ARSD: variants seen among roughly 807,000 people sequenced by gnomAD.
ARSD encodes testis tissue sperm-binding protein Li 39a.
ARSD carries 21 observed loss-of-function variants against 32.6 expected under a neutral mutation model. The ratio of observed to expected loss-of-function variants is 0.64; its 90% CI spans 0.46 to 0.93. The LOEUF is 0.93. Ranked by LOEUF, ARSD falls within the 40% of genes least tolerant of loss-of-function variation. The pLI is 0.00. For synonymous variants in ARSD, 224 were observed against 237.4 expected (o/e 0.94, Z 0.52); for missense variants, 454 against 520.9 (o/e 0.87, Z 1.25).
intron 5 of ARSD, among the ~76,000 whole-genome samples, chrX:2,916,676 A>C (rs2088963933): frequency 1.8e-5 from 2 of 111,038 alleles, no homozygotes; most frequent in Admixed American, 9.7e-5. Context: ...AGAGCTAAAA[A>C]AAAATCGATC....
At chrX:2,918,253 G>C in intron 4 of ARSD, 26 bp from the exon 5 acceptor site, 1 of 1,125,109 alleles carries the variant, frequency 8.9e-7, no homozygotes, top group Middle Eastern at 3.0e-4. Flanking sequence ...ATGTTCAACA[G>C]AGACCCGCTT....
intron 5 of ARSD, among the ~76,000 whole-genome samples, chrX:2,917,389 G>A (rs1227804281): frequency 4.5e-5 from 5 of 111,468 alleles, no homozygotes; most frequent in African/African-American, 9.8e-5. Flanking sequence ...CGTCTCCTCC[G>A]AGGGTTGGTG....
chrX:2,908,128 C>T (rs2088867976), intron 9 of ARSD: 1 of 205,183 alleles, frequency 4.9e-6, no homozygotes, highest in Non-Finnish European at 7.3e-6. Flanking sequence ...ATTTATCTAT[C>T]GATCATCTAT....
rs2088890116 is a variant in ARSD at position 2,910,081 on chromosome X, CG to C, written c.1136-103del. On this transcript the variant is annotated intron_variant, in intron 7 of 9. Coordinates refer to ENST00000381154, the MANE Select transcript of ARSD (RefSeq NM_001669.4). ...AGGTATGTGAATACGCACAGCCACC[CG>C]GATGCACACATGCACACTGGGGCAG... 9 of 1,050,831 alleles carry C rather than the reference CG, an allele frequency of 8.6e-6. 1 individual carries two copies. In the South Asian group the frequency reaches 2.1e-4, roughly 25 times the overall value. The allele number at this position is 1,050,831 out of a possible 1,213,427, so 86.6% of individuals were successfully genotyped here.
intron 2 of ARSD, among the ~76,000 whole-genome samples, chrX:2,925,388 C>T (rs55996807): frequency 0.09 from 10,108 of 112,182 alleles, 1,012 homozygotes; most frequent in African/African-American, 0.29. Context: ...GGTCTCCAGA[C>T]CTGGGAGAAC....
chrX:2,929,193 T>G, intron 1 of ARSD, 39 bp downstream of exon 1: 5 of 1,024,824 alleles, frequency 4.9e-6, no homozygotes, highest in Non-Finnish European at 6.2e-6. Context: ...GCCCCCACCC[T>G]AGGCCTTAGT....
chrX:2,912,675 C>T (rs1000682894), intron 6 of ARSD, among the ~76,000 whole-genome samples: 6 of 111,256 alleles, frequency 5.4e-5, no homozygotes, highest in Non-Finnish European at 9.4e-5. Flanking sequence ...AAACATAGTG[C>T]CGTGTGTGTG....
intron 6 of ARSD, among the ~76,000 whole-genome samples, chrX:2,915,240 T>A: frequency 9.0e-6 from 1 of 111,247 alleles, no homozygotes; most frequent in Non-Finnish European, 1.9e-5. Flanking sequence ...CTGCAACCTC[T>A]GCCTCCCGTG....
At chrX:2,923,855 G>A (rs1666280060) in intron 2 of ARSD, among the ~76,000 whole-genome samples, 1 of 112,363 alleles carries the variant, frequency 8.9e-6, no homozygotes, top group Admixed American at 9.5e-5. Context: ...GGGATGCAGA[G>A]TTTCTTTGGG....
chrX:2,922,127 G>A (rs1210356082), intron 2 of ARSD, 103 bp from the exon 3 acceptor site: 1 of 1,008,204 alleles, frequency 9.9e-7, no homozygotes, highest in Non-Finnish European at 1.3e-6. Flanking sequence ...GGACTTCACC[G>A]GATTTCAGAA....
chrX:2,926,863 T>G (rs938621549), intron 1 of ARSD, among the ~76,000 whole-genome samples: 3 of 111,134 alleles, frequency 2.7e-5, no homozygotes, highest in African/African-American at 9.8e-5. Context: ...GATGGTGGCT[T>G]ACAGCAACCT....
chrX:2,913,790 A>G (rs1203446171), intron 6 of ARSD: 1 of 879,273 alleles, frequency 1.1e-6, no homozygotes, highest in African/African-American at 2.1e-5. Context: ...TGTCATCCTC[A>G]GAATCGGCGG....
intron 6 of ARSD, among the ~76,000 whole-genome samples, chrX:2,915,248 G>A (rs1431295354): frequency 9.0e-6 from 1 of 111,020 alleles, no homozygotes. Context: ...TCTGCCTCCC[G>A]TGTTAAAGCG....
At chrX:2,913,196 G>A (rs750525246) in intron 6 of ARSD, among the ~76,000 whole-genome samples, 1 of 112,337 alleles carries the variant, frequency 8.9e-6, no homozygotes, top group South Asian at 3.7e-4. Flanking sequence ...ATTGGTAACT[G>A]ATTGAAAGAG....
At chrX:2,922,369 A>G (rs887604358) in intron 2 of ARSD, among the ~76,000 whole-genome samples, 4 of 110,653 alleles carry the variant, frequency 3.6e-5, no homozygotes, top group African/African-American at 9.9e-5. Context: ...TATGTTTTCA[A>G]TTGTGGTGAG....
chrX:2,929,333 C>T lies in ARSD; in HGVS notation c.-58G>A. On this transcript the variant is annotated 5_prime_UTR_variant, in exon 1 of 10. Transcript: ENST00000381154. ...CCCTGCGCACTCCGCGCCCGGGCGC[C>T]GCTAGTGCCAAGGCTTCCGCCCTCT... The T allele has an allele frequency of 2.2e-6, 2 of 894,224 alleles. No individual in the cohort carries two copies. Among genetic ancestry groups the T allele is most frequent in the Non-Finnish European group, 2.8e-6 (2 of 715,150 alleles). 73.7% of individuals were successfully genotyped at this position (894,224 alleles called of 1,213,427 possible).
At position 2,916,681 on chromosome X, in the gene ARSD, T is replaced by A. The variant is rs2088964102; in HGVS notation, c.864-989A>T. ...CTCATATGGGAGAGCTAAAAAAAAA[T>A]CGATCACATGAAGATAGAGAATAGA... On this transcript the variant is annotated intron_variant, in intron 5 of 9. Transcript: ENST00000381154. Among the ~76,000 whole-genome samples the A allele has an allele frequency of 2.7e-5, 3 of 109,490 alleles. No homozygotes were observed. The South Asian group carries it at 1.2e-3, about 44-fold the overall frequency.
At chrX:2,910,297 A>G (rs1349724410) in intron 7 of ARSD, among the ~76,000 whole-genome samples, 1 of 94,758 alleles carries the variant, frequency 1.1e-5, no homozygotes, top group Non-Finnish European at 2.0e-5. Context: ...TTAACTATCA[A>G]TAATTTTTAA....
At chrX:2,910,459 A>G (rs780452551) in intron 7 of ARSD, among the ~76,000 whole-genome samples, 200 bp downstream of exon 7, 4 of 111,558 alleles carry the variant, frequency 3.6e-5, no homozygotes, top group Admixed American at 9.6e-5. Flanking sequence ...TTCTACTAAA[A>G]TGTAAACCCT....
Sources: gnomAD v4.1 joint callset for allele counts (sites outside exome capture counted in the v4.1 genomes callset) on GRCh38, gnomAD v4.1.1 for gene constraint, MANE v1.5 for transcripts, NCBI Gene and HGNC (gene_info 2026-07-23, HGNC 2026-07-21) for gene names.